Variants in ADAM22 observed in about 807,000 individuals in gnomAD.
The protein encoded by ADAM22 is ADAM metallopeptidase domain 22.
In ADAM22, 65 loss-of-function variants were observed where a neutral mutation model predicts 144.6. That is an observed-to-expected ratio of 0.45 (90% CI 0.37 to 0.55). The LOEUF is 0.55. Ranked by LOEUF, ADAM22 falls within the 20% of genes least tolerant of loss-of-function variation. The pLI is 0.00. For missense variants in ADAM22, 974 were observed against 1,184.9 expected, an observed-to-expected ratio of 0.82 and a Z score of 2.61; for synonymous variants, 391 against 412.6, an observed-to-expected ratio of 0.95 and a Z score of 0.63.
At chr7:88,063,251 A>T (rs771562049) in intron 3 of ADAM22, among the ~76,000 whole-genome samples, 5 of 152,228 alleles carry the variant, frequency 3.3e-5, no homozygotes, top group Non-Finnish European at 7.3e-5. Context: ...TAACTACTGC[A>T]TTTATGAAAA....
chr7:88,174,314 TC>T (rs1845096954), intron 26 of ADAM22, among the ~76,000 whole-genome samples: 1 of 152,126 alleles, frequency 6.6e-6, no homozygotes, highest in South Asian at 2.1e-4. Flanking sequence ...AACCGGAAGC[TC>T]CATTCTGGGT....
intron 15 of ADAM22, among the ~76,000 whole-genome samples, chr7:88,144,898 T>C (rs1835891216): frequency 6.6e-6 from 1 of 152,018 alleles, no homozygotes; most frequent in Non-Finnish European, 1.5e-5. Flanking sequence ...TATAAATATA[T>C]AGGTAAACTA....
Position 88,200,358 on chromosome 7 carries a change from A to AT in ADAM22, c.*3869dup, listed in dbSNP as rs1851103295. ...AGGAAAGAGAATTTATTGGCAGGATATTGAGTAGCTTGTAGAGTATATGGA... is the reference window on the plus strand; with the variant it reads ...AGGAAAGAGAATTTATTGGCAGGATATTTGAGTAGCTTGTAGAGTATATGGA... On this transcript the variant is annotated 3_prime_UTR_variant, in exon 32 of 32. Coordinates refer to ENST00000413139, the MANE Select transcript of ADAM22 (RefSeq NM_001324418.2). 6.6e-6 allele frequency: 1 copy of AT among 152,210 alleles called. No individual in the cohort carries two copies. The highest frequency in any genetic ancestry group is 2.4e-5 in the African/African-American group (1 of 41,454). The allele number at this position is 152,210 out of a possible 1,614,324, so 9.4% of individuals were successfully genotyped here. A position where few individuals can be genotyped will look rare whatever the true frequency, so the allele number is the denominator to read the frequency against.
intron 4 of ADAM22, among the ~76,000 whole-genome samples, chr7:88,093,041 A>G (rs1046028227): frequency 3.3e-5 from 5 of 152,182 alleles, no homozygotes; most frequent in Non-Finnish European, 5.9e-5. Context: ...ATATTCAGCC[A>G]TAAGTTTTTT....
intron 3 of ADAM22, among the ~76,000 whole-genome samples, chr7:88,014,083 A>G (rs1017622675): frequency 2.0e-5 from 3 of 152,162 alleles, no homozygotes; most frequent in African/African-American, 7.2e-5. Context: ...ATATGTTAGT[A>G]TGATTTCCTA....
At chr7:88,081,531 G>C (rs1222746926) in intron 4 of ADAM22, among the ~76,000 whole-genome samples, 1 of 151,878 alleles carries the variant, frequency 6.6e-6, no homozygotes, top group African/African-American at 2.4e-5. Context: ...CATTCAATTA[G>C]GAAAAGAGGA....
At chr7:88,144,000 G>A (rs1268695972) in intron 15 of ADAM22, among the ~76,000 whole-genome samples, 2 of 152,198 alleles carry the variant, frequency 1.3e-5, no homozygotes, top group African/African-American at 4.8e-5. Context: ...CAGAGTAAGA[G>A]AATAAGTGTG....
intron 3 of ADAM22, among the ~76,000 whole-genome samples, chr7:88,007,295 A>G (rs1018730473): frequency 2.0e-5 from 3 of 152,344 alleles, no homozygotes; most frequent in Admixed American, 1.3e-4. Flanking sequence ...GGTAGGAAGA[A>G]TCAATATCGT....
chr7:87,995,069 C>T (rs1464788534), intron 3 of ADAM22, among the ~76,000 whole-genome samples: 4 of 152,160 alleles, frequency 2.6e-5, no homozygotes, highest in Non-Finnish European at 4.4e-5. Context: ...CCACTCGGCT[C>T]GGCCTCCCAA....
In ADAM22 at chr7:87,935,177, T is replaced by C; in HGVS notation, c.237T>C (p.Gly79=). 1 of 1,606,486 alleles carries C rather than the reference T, an allele frequency of 6.2e-7. No homozygotes were observed. Among genetic ancestry groups the C allele is most frequent in the Non-Finnish European group, 8.5e-7 (1 of 1,176,232 alleles). ...ACACGCGGGTGCGGGGCGACCTCGG[T>C]GGCCCGCAGGTGAGAGGCTCGGTCC... The part of the protein sequence containing the change: ...ALDTRVRGDL[G]GPQLTHVDQA... The change falls in exon 2 of 32, where the codon GGT becomes GGC. Residue 79 remains glycine (G), a synonymous_variant. Transcript: ENST00000413139.
chr7:88,008,463 C>A, intron 3 of ADAM22, among the ~76,000 whole-genome samples: 1 of 152,064 alleles, frequency 6.6e-6, no homozygotes, highest in East Asian at 1.9e-4. Flanking sequence ...ATGTTTATTG[C>A]AGCACTATTC....
At chr7:88,052,975 A>AT (rs1271250789) in intron 3 of ADAM22, among the ~76,000 whole-genome samples, 2 of 152,128 alleles carry the variant, frequency 1.3e-5, no homozygotes, top group African/African-American at 4.8e-5. Flanking sequence ...AAATGTATTT[A>AT]TTTTTTTGAA....
intron 9 of ADAM22, 80 bp downstream of exon 9, chr7:88,128,756 A>G: frequency 8.7e-7 from 1 of 1,155,844 alleles, no homozygotes; most frequent in Middle Eastern, 2.0e-4. Context: ...AGAAAAAACA[A>G]GAAGCCCATC....
chr7:87,994,769 A>G (rs1790718970), intron 3 of ADAM22, among the ~76,000 whole-genome samples: 1 of 152,106 alleles, frequency 6.6e-6, no homozygotes, highest in African/African-American at 2.4e-5. Context: ...AGTTAATCAC[A>G]CAAGTAGGTC....
intron 2 of ADAM22, among the ~76,000 whole-genome samples, chr7:87,965,441 G>A (rs1432773274): frequency 6.6e-6 from 1 of 152,160 alleles, no homozygotes; most frequent in African/African-American, 2.4e-5. Flanking sequence ...TTTATTATAT[G>A]TAAATGTGTG....
In ADAM22 at chr7:88,108,178, A is replaced by T; in HGVS notation, c.393A>T (p.Gly131=). ...EHGGKTVEVK[G]GEHCYYQGHI... is the part of the protein sequence containing the mutation. ...ACATTCTTTATTTCTGTTTTCAGGGAGGAGAGCACTGTTACTACCAGGGCC... is the reference window on the plus strand; with the variant it reads ...ACATTCTTTATTTCTGTTTTCAGGGTGGAGAGCACTGTTACTACCAGGGCC... The change falls in exon 5 of 32, where the codon GGA becomes GGT. Residue 131 remains glycine (G), a splice_region_variant and synonymous_variant. Coordinates refer to ENST00000413139, the MANE Select transcript of ADAM22 (RefSeq NM_001324418.2). 1 of 1,610,754 alleles carries T rather than the reference A, an allele frequency of 6.2e-7. No homozygotes were observed. Among genetic ancestry groups the T allele is most frequent in the Non-Finnish European group, 8.5e-7 (1 of 1,178,930 alleles).
Position 87,958,635 on chromosome 7 carries a change from C to T in ADAM22, c.247-19701C>T, listed in dbSNP as rs182062028. Among the ~76,000 whole-genome samples, 481 of 152,220 alleles carry T rather than the reference C, an allele frequency of 3.2e-3. 3 individuals carry two copies. The highest frequency in any genetic ancestry group is 0.011 in the African/African-American group (442 of 41,548). ...TCTTGACCCTGTGATCTGCCCTCTT[C>T]GGCCTCCCAAAGTGCTGGGATTACA... On this transcript the variant is annotated intron_variant, in intron 2 of 31. Coordinates refer to ENST00000413139, the MANE Select transcript of ADAM22 (RefSeq NM_001324418.2).
chr7:88,116,360 G>T (rs889793276), intron 6 of ADAM22, among the ~76,000 whole-genome samples: 3 of 152,138 alleles, frequency 2.0e-5, no homozygotes, highest in Admixed American at 6.5e-5. Flanking sequence ...TATGAAGATT[G>T]TTAGCTCTGT....
intron 4 of ADAM22, among the ~76,000 whole-genome samples, chr7:88,094,271 G>C (rs981959341): frequency 7.2e-5 from 11 of 152,176 alleles, no homozygotes; most frequent in Non-Finnish European, 1.2e-4. Context: ...ACCTCATCTG[G>C]TTGGTCAGGG....
Sources: allele counts gnomAD v4.1 joint callset (sites outside exome capture counted in the v4.1 genomes callset), GRCh38; gene constraint gnomAD v4.1.1; transcripts MANE v1.5; gene names NCBI Gene and HGNC (gene_info 2026-07-23, HGNC 2026-07-21).